The following TENM4 variants were observed in gnomAD, a reference collection of about 807,000 sequenced individuals.
The protein encoded by TENM4 is teneurin-4.
Under a neutral mutation model 243.3 loss-of-function variants are expected in TENM4, and 82 were observed. The observed-to-expected ratio is 0.34, with a 90% confidence interval of 0.28 to 0.40. The LOEUF (loss-of-function observed/expected upper bound fraction) is 0.40, where lower values mean the gene tolerates loss of function less well. TENM4 is among the 10% of genes least tolerant of loss of function. The probability of loss-of-function intolerance (pLI) is 1.00; values close to 1 mark genes in which losing one functional copy is unlikely to be tolerated. For missense variants in TENM4, 3,138 were observed against 3,673.3 expected (o/e 0.85, Z 3.77); for synonymous variants, 1,412 against 1,456.3 (o/e 0.97, Z 0.69).
chr11:78,799,521 A>G (rs1857236340), intron 15 of TENM4, among the ~76,000 whole-genome samples: 2 of 152,242 alleles, frequency 1.3e-5, no homozygotes, highest in Non-Finnish European at 2.9e-5. Context: ...TACTTCATTT[A>G]TTGACTGCTT....
At chr11:78,902,199 A>G (rs1416587191) in intron 7 of TENM4, among the ~76,000 whole-genome samples, 1 of 152,232 alleles carries the variant, frequency 6.6e-6, no homozygotes, top group African/African-American at 2.4e-5. Context: ...GGGAAAGGCT[A>G]TGCTCCCAAA....
intron 32 of TENM4, among the ~76,000 whole-genome samples, chr11:78,667,695 T>G (rs1386942485): frequency 6.6e-6 from 1 of 152,134 alleles, no homozygotes; most frequent in Admixed American, 6.5e-5. Context: ...CAGGGATCAT[T>G]TTTCTCTCCT....
chr11:79,199,667 T>C (rs1341480686), intron 3 of TENM4, among the ~76,000 whole-genome samples: 4 of 152,168 alleles, frequency 2.6e-5, no homozygotes, highest in Non-Finnish European at 4.4e-5. Context: ...TTAAGCAGGG[T>C]GGCTGGATGT....
At chr11:78,707,350 AG>A (rs1394462253) in intron 27 of TENM4, among the ~76,000 whole-genome samples, 4 of 152,224 alleles carry the variant, frequency 2.6e-5, no homozygotes, top group Admixed American at 2.6e-4. Context: ...AAGTCATCAC[AG>A]GATGTACTAA....
chr11:79,088,621 C>A (rs11237711), intron 4 of TENM4, among the ~76,000 whole-genome samples: 9,019 of 152,208 alleles, frequency 0.059, 390 homozygotes, highest in East Asian at 0.24. Context: ...GAACAGGCTT[C>A]GCACTTGGCT....
In TENM4 at chr11:78,757,417, TG is replaced by T. The variant is rs1856335956; in HGVS notation, c.2540-397del. On this transcript the variant is annotated intron_variant, in intron 18 of 33. Transcript: ENST00000278550. The stretch of plus-strand genomic sequence containing the variant: ...TGAGGTTGACAGGGGCACACCAGGC[TG>T]GGCCTTGCAGGCCAAGTTAGGGAGT... 3.3e-5 allele frequency among the ~76,000 whole-genome samples: 5 copies of T among 152,240 alleles called. No individual in the cohort carries two copies. In the South Asian group the frequency reaches 1.0e-3, roughly 31 times the overall value.
chr11:79,107,407 A>T (rs1861399516), intron 4 of TENM4, among the ~76,000 whole-genome samples: 3 of 151,896 alleles, frequency 2.0e-5, no homozygotes, highest in Admixed American at 6.6e-5. Context: ...CTCCTTCCCC[A>T]TCTCTCCACC....
chr11:79,138,560 TAC>T (rs1862169612), intron 4 of TENM4, among the ~76,000 whole-genome samples: 1 of 26,056 alleles, frequency 3.8e-5, no homozygotes, highest in Non-Finnish European at 8.1e-5. Flanking sequence ...TTTATATAAA[TAC>T]ATAAAACATA....
At chr11:78,936,131 G>A (rs111685011) in intron 6 of TENM4, among the ~76,000 whole-genome samples, 8 of 152,330 alleles carry the variant, frequency 5.3e-5, no homozygotes, top group South Asian at 2.1e-4. Flanking sequence ...GGGCTGGAAT[G>A]CATCTTATGG....
Position 78,657,031 on chromosome 11 carries a change from T to A in TENM4, c.*1027A>T. The A allele has an allele frequency of 2.5e-6, 1 of 398,608 alleles. No homozygotes were observed. The highest frequency in any genetic ancestry group is 4.4e-6 in the Non-Finnish European group (1 of 226,080). The allele number at this position is 398,608 out of a possible 1,614,324, so 24.7% of individuals were successfully genotyped here. A position where few individuals can be genotyped will look rare whatever the true frequency, so the allele number is the denominator to read the frequency against. On this transcript the variant is annotated 3_prime_UTR_variant, in exon 34 of 34. Transcript: ENST00000278550. ...GGTGGAGGGAAGATACTCAAAGTCA[T>A]AGAGAGAGGGCTTTGCCTCGGAAGG...
intron 1 of TENM4, among the ~76,000 whole-genome samples, chr11:79,417,632 T>C (rs1858846194): frequency 6.6e-6 from 1 of 152,200 alleles, no homozygotes; most frequent in African/African-American, 2.4e-5. Flanking sequence ...TATGTATGTC[T>C]CCTATAGTCC....
chr11:79,042,242 G>C (rs1281657554), intron 6 of TENM4, among the ~76,000 whole-genome samples: 1 of 152,176 alleles, frequency 6.6e-6, no homozygotes, highest in Non-Finnish European at 1.5e-5. Flanking sequence ...ACTCAACAAT[G>C]TCTAGCACTC....
intron 12 of TENM4, among the ~76,000 whole-genome samples, chr11:78,827,399 GCTCA>G (rs1857878347): frequency 6.6e-6 from 1 of 152,132 alleles, no homozygotes; most frequent in Admixed American, 6.6e-5. Context: ...TGAGCCCACT[GCTCA>G]TAACTTTACC....
intron 9 of TENM4, among the ~76,000 whole-genome samples, chr11:78,879,726 C>T (rs993351686): frequency 4.0e-5 from 6 of 148,410 alleles, no homozygotes; most frequent in South Asian, 2.2e-4. Context: ...CGCCTCTGCA[C>T]GGCCGCCACC....
At chr11:79,178,536 C>CAAACA (rs971486890) in intron 3 of TENM4, among the ~76,000 whole-genome samples, 25 of 152,240 alleles carry the variant, frequency 1.6e-4, no homozygotes, top group African/African-American at 6.0e-4. Context: ...AGACCCTCAG[C>CAAACA]AAACAAAAAG....
intron 6 of TENM4, among the ~76,000 whole-genome samples, chr11:79,025,293 GAAT>G (rs1859046656): frequency 6.6e-6 from 1 of 152,140 alleles, no homozygotes; most frequent in Non-Finnish European, 1.5e-5. Flanking sequence ...ATGAATGAAT[GAAT>G]GAGTGATTCA....
At chr11:79,035,055 C>A (rs976405258) in intron 6 of TENM4, among the ~76,000 whole-genome samples, 1 of 152,176 alleles carries the variant, frequency 6.6e-6, no homozygotes, top group African/African-American at 2.4e-5. Context: ...GACATGAGGC[C>A]TTTGAGTTGG....
intron 2 of TENM4, among the ~76,000 whole-genome samples, chr11:79,216,942 G>A (rs1017275658): frequency 3.9e-5 from 6 of 152,258 alleles, no homozygotes; most frequent in South Asian, 2.1e-4. Flanking sequence ...AGGTCCTTAC[G>A]CAGAAGAGTC....
intron 6 of TENM4, among the ~76,000 whole-genome samples, chr11:79,018,669 C>T (rs112392381): frequency 6.6e-5 from 10 of 152,216 alleles, no homozygotes; most frequent in African/African-American, 2.4e-4. Context: ...TTCCCGGAGA[C>T]CTCTCCCCCA....
Sources: gnomAD v4.1 joint callset for allele counts (sites outside exome capture counted in the v4.1 genomes callset) on GRCh38, gnomAD v4.1.1 for gene constraint, MANE v1.5 for transcripts, NCBI Gene and HGNC (gene_info 2026-07-23, HGNC 2026-07-21) for gene names.